Variants in CDKAL1 observed in about 807,000 individuals in gnomAD.
The protein encoded by CDKAL1 is CDKAL1 threonylcarbamoyladenosine tRNA methylthiotransferase.
A neutral mutation model predicts 68.2 loss-of-function variants in CDKAL1; 32 were observed. The observed-to-expected ratio is 0.47, with a 90% CI of 0.35 to 0.63. CDKAL1 has a LOEUF of 0.63. Among genes scored for constraint, CDKAL1 ranks in the 30% least tolerant of loss-of-function variants. The probability of loss-of-function intolerance (pLI) is 0.00; values close to 1 mark genes in which losing one functional copy is unlikely to be tolerated. For synonymous variants in CDKAL1, 234 were observed against 244.3 expected, an observed-to-expected ratio of 0.96 and a Z score of 0.39; for missense variants, 606 against 696.7, an observed-to-expected ratio of 0.87 and a Z score of 1.47.
intron 8 of CDKAL1, among the ~76,000 whole-genome samples, chr6:20,784,408 A>ATTTG (rs1402113263): frequency 1.3e-4 from 3 of 23,010 alleles, no homozygotes; most frequent in East Asian, 2.2e-3. Context: ...CAGATATTTT[A>ATTTG]TTTCTTTTTT....
chr6:20,550,784 T>C (rs577468870), intron 4 of CDKAL1, among the ~76,000 whole-genome samples: 1 of 152,136 alleles, frequency 6.6e-6, no homozygotes, highest in East Asian at 1.9e-4. Context: ...GCTTTATGTA[T>C]GTTATCTTGC....
chr6:20,886,884 T>G (rs1215749079), intron 9 of CDKAL1, among the ~76,000 whole-genome samples: 1 of 152,218 alleles, frequency 6.6e-6, no homozygotes, highest in Non-Finnish European at 1.5e-5. Context: ...AGAGCTCTGT[T>G]AAAATGAATA....
chr6:20,816,010 CTGCTTCTAGCTTCTGCTCAT>C, intron 8 of CDKAL1, among the ~76,000 whole-genome samples: 1 of 152,260 alleles, frequency 6.6e-6, no homozygotes, highest in East Asian at 1.9e-4. Context: ...TCCTTTCTTG[CTGCTTCTAGCTTCTGCTCAT>C]TGCTAGCAAT....
At chr6:20,795,479 A>G (rs2150396691) in intron 8 of CDKAL1, among the ~76,000 whole-genome samples, 1 of 152,276 alleles carries the variant, frequency 6.6e-6, no homozygotes. Flanking sequence ...GTAGTCACTC[A>G]GATTATTTTC....
At chr6:21,021,762 C>T (rs190668180) in intron 11 of CDKAL1, among the ~76,000 whole-genome samples, 1 of 152,120 alleles carries the variant, frequency 6.6e-6, no homozygotes, top group Non-Finnish European at 1.5e-5. Flanking sequence ...TCTTTATTTA[C>T]CTCACCTAAG....
intron 7 of CDKAL1, among the ~76,000 whole-genome samples, chr6:20,767,202 T>C (rs1456832541): frequency 6.6e-6 from 1 of 152,142 alleles, no homozygotes; most frequent in African/African-American, 2.4e-5. Flanking sequence ...TAGATGAGAC[T>C]GTAAAGTTAG....
chr6:20,958,165 A>C (rs1764880328), intron 10 of CDKAL1, among the ~76,000 whole-genome samples: 1 of 152,166 alleles, frequency 6.6e-6, no homozygotes, highest in South Asian at 2.1e-4. Flanking sequence ...TGCAGGAGGT[A>C]ATCCAGGCTG....
intron 12 of CDKAL1, among the ~76,000 whole-genome samples, chr6:21,075,972 T>G (rs1772048619): frequency 6.6e-6 from 1 of 152,180 alleles, no homozygotes; most frequent in South Asian, 2.1e-4. Context: ...TGTTAAATTG[T>G]GATACATCTA....
intron 5 of CDKAL1, among the ~76,000 whole-genome samples, chr6:20,656,430 A>C (rs1405168408): frequency 1.3e-5 from 2 of 152,078 alleles, no homozygotes; most frequent in Admixed American, 6.5e-5. Context: ...AGGACGAATT[A>C]AACTAAGGCA....
chr6:20,742,540 G>GT (rs375237922), intron 6 of CDKAL1, among the ~76,000 whole-genome samples: 1 of 152,050 alleles, frequency 6.6e-6, no homozygotes, highest in African/African-American at 2.4e-5. Context: ...TCTTTCATGA[G>GT]TTTTTTAACC....
At chr6:20,914,493 C>T (rs937102754) in intron 9 of CDKAL1, among the ~76,000 whole-genome samples, 1 of 152,064 alleles carries the variant, frequency 6.6e-6, no homozygotes, top group African/African-American at 2.4e-5. Context: ...CCTTCTACCC[C>T]ACCCTAGCTA....
intron 8 of CDKAL1, among the ~76,000 whole-genome samples, chr6:20,835,319 T>G (rs1456535267): frequency 6.6e-6 from 1 of 152,180 alleles, no homozygotes; most frequent in Non-Finnish European, 1.5e-5. Flanking sequence ...TTAAAATAAT[T>G]ATTTATTAAA....
At chr6:20,905,161 G>A (rs140690608) in intron 9 of CDKAL1, among the ~76,000 whole-genome samples, 31 of 152,172 alleles carry the variant, frequency 2.0e-4, no homozygotes, top group South Asian at 8.3e-4. Flanking sequence ...GATAACTGTC[G>A]TAAAGATGTT....
intron 4 of CDKAL1, among the ~76,000 whole-genome samples, chr6:20,638,029 A>G (rs1051306132): frequency 1.3e-5 from 2 of 152,202 alleles, no homozygotes; most frequent in African/African-American, 4.8e-5. Context: ...TACAAATAAT[A>G]CCTGTATGTT....
intron 13 of CDKAL1, among the ~76,000 whole-genome samples, chr6:21,194,391 A>T (rs376432616): frequency 1.3e-5 from 2 of 152,280 alleles, no homozygotes; most frequent in East Asian, 3.9e-4. Flanking sequence ...CAGCCATAGA[A>T]GTTTGCTTCT....
chr6:20,986,484 G>T (rs896394815), intron 10 of CDKAL1, among the ~76,000 whole-genome samples: 1 of 151,920 alleles, frequency 6.6e-6, no homozygotes, highest in Non-Finnish European at 1.5e-5. Context: ...AAAGAACAAT[G>T]GAGATATTTT....
In CDKAL1 at chr6:20,886,412, A is replaced by C. The variant is rs533104057; in HGVS notation, c.742+40234A>C. On this transcript the variant is annotated intron_variant, in intron 9 of 15. Coordinates refer to ENST00000274695, the MANE Select transcript of CDKAL1 (RefSeq NM_017774.3). Reference sequence around the variant, plus strand: ...GTATATGCTCCAAAGAATTAAAAACAGGGACTCAACCTGATACACATACAC... The same window carrying C: ...GTATATGCTCCAAAGAATTAAAAACCGGGACTCAACCTGATACACATACAC... Among the ~76,000 whole-genome samples, 7 of 152,342 alleles carry C rather than the reference A, an allele frequency of 4.6e-5. No individual in the cohort carries two copies. The South Asian group carries it at 1.5e-3, about 32-fold the overall frequency.
chr6:20,976,732 G>A (rs780039303), intron 10 of CDKAL1, among the ~76,000 whole-genome samples: 22 of 152,048 alleles, frequency 1.4e-4, no homozygotes, highest in African/African-American at 4.6e-4. Context: ...GCTTGTTCTC[G>A]AATTTCATGT....
intron 15 of CDKAL1, among the ~76,000 whole-genome samples, chr6:21,205,358 T>A (rs1193013696): frequency 6.6e-6 from 1 of 152,148 alleles, no homozygotes; most frequent in Non-Finnish European, 1.5e-5. Flanking sequence ...CTATTTTTAA[T>A]CTTTTGAGGA....
Sources: gnomAD v4.1 joint callset for allele counts (sites outside exome capture counted in the v4.1 genomes callset) on GRCh38, gnomAD v4.1.1 for gene constraint, MANE v1.5 for transcripts, NCBI Gene and HGNC (gene_info 2026-07-23, HGNC 2026-07-21) for gene names.